Variants in AP3B1 observed in about 807,000 individuals in gnomAD.
The protein encoded by AP3B1 is adaptor related protein complex 3 subunit beta 1.
A neutral mutation model predicts 132.5 loss-of-function variants in AP3B1; 61 were observed. That is an observed-to-expected ratio of 0.46 (90% CI 0.37 to 0.57). The LOEUF is 0.57. AP3B1 is among the 20% of genes least tolerant of loss of function. AP3B1 has a pLI of 0.00. For missense variants in AP3B1, 1,120 were observed against 1,289.4 expected, an observed-to-expected ratio of 0.87 and a Z score of 2.01; for synonymous variants, 388 against 438.3, an observed-to-expected ratio of 0.89 and a Z score of 1.43.
At chr5:78,216,766 T>C (rs1445727178) in intron 6 of AP3B1, among the ~76,000 whole-genome samples, 1 of 152,158 alleles carries the variant, frequency 6.6e-6, no homozygotes, top group Non-Finnish European at 1.5e-5. Context: ...CACCGGTTTT[T>C]ACCCAATATA....
intron 1 of AP3B1, among the ~76,000 whole-genome samples, chr5:78,292,252 C>T (rs562930206): frequency 2.0e-5 from 3 of 152,214 alleles, no homozygotes; most frequent in African/African-American, 7.2e-5. Flanking sequence ...AAAATGTGGA[C>T]TCAAGAGAGA....
Position 78,147,520 on chromosome 5 carries a change from T to C in AP3B1, c.1474-6201A>G, listed in dbSNP as rs569191814. ...ATCTTTATTACTTTTAAATACTTAT[T>C]ATTTATTTTACATTTGTTTTCTTTC... On this transcript the variant is annotated intron_variant, in intron 14 of 26. Transcript: ENST00000255194. Among the ~76,000 whole-genome samples the C allele has an allele frequency of 4.1e-4, 62 of 152,338 alleles. No individual in the cohort carries two copies. In the South Asian group the frequency reaches 0.012, roughly 31 times the overall value.
intron 1 of AP3B1, among the ~76,000 whole-genome samples, chr5:78,275,861 A>T (rs559044555): frequency 6.6e-6 from 1 of 152,322 alleles, no homozygotes; most frequent in Admixed American, 6.5e-5. Flanking sequence ...GAACAACATA[A>T]TTAAACAACT....
At chr5:78,158,370 T>A (rs114763941) in intron 13 of AP3B1, among the ~76,000 whole-genome samples, 1 of 151,762 alleles carries the variant, frequency 6.6e-6, no homozygotes, top group Admixed American at 6.6e-5. Flanking sequence ...AGCAGGAGAA[T>A]CACCTGGGCC....
chr5:78,237,424 G>A (rs1471730082), intron 3 of AP3B1, among the ~76,000 whole-genome samples: 1 of 152,142 alleles, frequency 6.6e-6, no homozygotes, highest in African/African-American at 2.4e-5. Flanking sequence ...AGCCCAGGAA[G>A]TGAAGGCTAC....
intron 6 of AP3B1, among the ~76,000 whole-genome samples, chr5:78,219,929 G>C (rs929106401): frequency 6.6e-6 from 1 of 152,172 alleles, no homozygotes; most frequent in African/African-American, 2.4e-5. Flanking sequence ...CCAAAAAACT[G>C]CTGCTGGCAA....
intron 2 of AP3B1, among the ~76,000 whole-genome samples, chr5:78,245,363 G>C (rs921163577): frequency 1.3e-5 from 2 of 152,198 alleles, no homozygotes; most frequent in Non-Finnish European, 2.9e-5. Flanking sequence ...CTAGGAGCCT[G>C]CACGCCTGTT....
intron 21 of AP3B1, among the ~76,000 whole-genome samples, chr5:78,094,872 G>T (rs868097263): frequency 1.3e-5 from 2 of 152,000 alleles, no homozygotes; most frequent in Non-Finnish European, 1.5e-5. Context: ...GTAGAGACAG[G>T]GTTTCACCAT....
intron 22 of AP3B1, among the ~76,000 whole-genome samples, chr5:78,058,429 G>A (rs1327953126): frequency 1.3e-5 from 2 of 152,104 alleles, no homozygotes; most frequent in Non-Finnish European, 2.9e-5. Context: ...GAACCCGGGA[G>A]GCGGAGGTTG....
At chr5:78,085,967 G>A (rs909101548) in intron 22 of AP3B1, among the ~76,000 whole-genome samples, 6 of 152,032 alleles carry the variant, frequency 3.9e-5, no homozygotes, top group African/African-American at 1.4e-4. Flanking sequence ...AAACAAAAGC[G>A]GTTTCAATTT....
chr5:78,105,767 G>A (rs2112242454), intron 20 of AP3B1, among the ~76,000 whole-genome samples: 1 of 152,210 alleles, frequency 6.6e-6, no homozygotes, highest in African/African-American at 2.4e-5. Context: ...CTAAAACAAG[G>A]AAATTTTCTA....
rs190351398 is a variant in AP3B1, at chr5:78,190,915, C to T, written c.787-9253G>A. On this transcript the variant is annotated intron_variant, in intron 7 of 26. Coordinates refer to ENST00000255194, the MANE Select transcript of AP3B1 (RefSeq NM_003664.5). ...AAGTTTCCCCCCTAAAATTATCCCT[C>T]AGAAAGAAGTTGCCTCATACTTGAG... Among the ~76,000 whole-genome samples, 1,118 of 152,216 alleles carry T rather than the reference C, an allele frequency of 7.3e-3. 15 individuals are homozygous for T. Among genetic ancestry groups the T allele is most frequent in the Non-Finnish European group, 8.8e-3 (597 of 67,988 alleles).
intron 22 of AP3B1, among the ~76,000 whole-genome samples, chr5:78,077,801 T>A (rs1222148772): frequency 6.6e-6 from 1 of 152,212 alleles, no homozygotes; most frequent in Non-Finnish European, 1.5e-5. Flanking sequence ...GGTGGATTTG[T>A]CTCTAGTTCA....
intron 15 of AP3B1, among the ~76,000 whole-genome samples, chr5:78,135,781 A>G (rs1013910114): frequency 6.6e-6 from 1 of 152,150 alleles, no homozygotes; most frequent in Non-Finnish European, 1.5e-5. Context: ...TAACTTTTAA[A>G]TTGTTATTAA....
intron 22 of AP3B1, among the ~76,000 whole-genome samples, chr5:78,074,322 C>G (rs547956119): frequency 6.6e-6 from 1 of 151,864 alleles, no homozygotes; most frequent in Non-Finnish European, 1.5e-5. Context: ...AACCTCATAC[C>G]CAGAGAATTG....
At position 78,141,188 on chromosome 5, in the gene AP3B1, C is replaced by T. The variant is rs200769344; in HGVS notation, c.1605G>A (p.Gln535=). 4 of 1,613,836 alleles carry T rather than the reference C, an allele frequency of 2.5e-6. No homozygotes were observed. The highest frequency in any genetic ancestry group is 3.4e-6 in the Non-Finnish European group (4 of 1,179,778). The part of the protein sequence containing the change: ...FTSEDDLVKL[Q]ILNLGAKLYL... ...ACAATTTTGCTCCCAGATTTAATAT[C>T]TGCAGTTTTACCAGATCATCTTCAC... The change falls in exon 15 of 27, where the codon CAG becomes CAA. Residue 535 remains glutamine (Q), a synonymous_variant. Transcript: ENST00000255194.
chr5:78,047,904 T>C (rs1258927877), intron 22 of AP3B1, among the ~76,000 whole-genome samples: 3 of 152,208 alleles, frequency 2.0e-5, no homozygotes, highest in Non-Finnish European at 4.4e-5. Context: ...TCACAGTTCT[T>C]GATGCTTGAT....
intron 11 of AP3B1, among the ~76,000 whole-genome samples, chr5:78,167,448 AAAGTAG>A (rs1743683691): frequency 6.6e-6 from 1 of 152,186 alleles, no homozygotes; most frequent in Non-Finnish European, 1.5e-5. Context: ...TAAAAAAGTA[AAAGTAG>A]AACTACTGTT....
intron 22 of AP3B1, among the ~76,000 whole-genome samples, chr5:78,074,958 T>C (rs1338782796): frequency 6.6e-6 from 1 of 152,184 alleles, no homozygotes; most frequent in Non-Finnish European, 1.5e-5. Flanking sequence ...ATTCTTCTAC[T>C]ATATTAGAAA....
Sources: allele counts gnomAD v4.1 joint callset (sites outside exome capture counted in the v4.1 genomes callset), GRCh38; gene constraint gnomAD v4.1.1; transcripts MANE v1.5; gene names NCBI Gene and HGNC (gene_info 2026-07-23, HGNC 2026-07-21).